The following CSMD3 variants were observed in gnomAD, a reference collection of about 807,000 sequenced individuals.
CSMD3 encodes CUB and sushi domain-containing protein 3.
In CSMD3, 177 loss-of-function variants were observed where a neutral mutation model predicts 435.2. The observed-to-expected ratio is 0.41, with a 90% CI of 0.36 to 0.46. The LOEUF (loss-of-function observed/expected upper bound fraction) is 0.46. Ranked by LOEUF, CSMD3 falls within the 20% of genes least tolerant of loss-of-function variation. The probability of loss-of-function intolerance (pLI) is 0.34; values close to 1 mark genes in which losing one functional copy is unlikely to be tolerated. For missense variants in CSMD3, 4,265 were observed against 4,504.6 expected, an observed-to-expected ratio of 0.95 and a Z score of 1.52; for synonymous variants, 1,656 against 1,520.5, an observed-to-expected ratio of 1.09 and a Z score of -2.07.
In CSMD3 at chr8:113,397,303, G is replaced by A. The variant is rs1418642650; in HGVS notation, c.178+39374C>T. On this transcript the variant is annotated intron_variant, in intron 1 of 70. Coordinates refer to ENST00000297405, the MANE Select transcript of CSMD3 (RefSeq NM_198123.2). ...TTTCATGTGTTATGTAAACATTTAC[G>A]TTTCTTCTTTATGGTCTCTTTAAAT... 4.6e-5 allele frequency among the ~76,000 whole-genome samples: 7 copies of A among 151,814 alleles called. No homozygotes were observed. The East Asian group carries it at 5.8e-4, about 13-fold the overall frequency.
chr8:113,113,777 C>T (rs776308555), intron 4 of CSMD3, among the ~76,000 whole-genome samples: 14 of 152,146 alleles, frequency 9.2e-5, no homozygotes, highest in Non-Finnish European at 1.8e-4. Context: ...TCTACAAATG[C>T]GAATCAATAA....
chr8:113,284,765 T>A (rs1461690495), intron 2 of CSMD3, among the ~76,000 whole-genome samples: 4 of 152,214 alleles, frequency 2.6e-5, no homozygotes, highest in Non-Finnish European at 5.9e-5. Context: ...TTGATATTTG[T>A]AAAATTTAGT....
intron 13 of CSMD3, among the ~76,000 whole-genome samples, chr8:112,722,306 G>C (rs62516521): frequency 1.3e-5 from 2 of 151,974 alleles, no homozygotes; most frequent in East Asian, 3.9e-4. Flanking sequence ...AAAAAAAAAG[G>C]CTATACCAGA....
chr8:112,488,110 A>G (rs186799620), intron 31 of CSMD3, among the ~76,000 whole-genome samples: 2 of 152,294 alleles, frequency 1.3e-5, no homozygotes, highest in East Asian at 3.9e-4. Context: ...ACAGGATGCA[A>G]TCATTTTGGA....
At chr8:112,855,512 A>C (rs1190593763) in intron 11 of CSMD3, among the ~76,000 whole-genome samples, 1 of 152,094 alleles carries the variant, frequency 6.6e-6, no homozygotes, top group Non-Finnish European at 1.5e-5. Context: ...TTTGTGTTTT[A>C]ATTAAAATTG....
At chr8:112,253,018 T>G (rs1815426945) in intron 63 of CSMD3, among the ~76,000 whole-genome samples, 1 of 151,876 alleles carries the variant, frequency 6.6e-6, no homozygotes, top group African/African-American at 2.4e-5. Context: ...AACTCCACGT[T>G]AATCATTCTC....
chr8:112,607,462 G>C (rs1381462622), intron 22 of CSMD3, among the ~76,000 whole-genome samples: 1 of 151,940 alleles, frequency 6.6e-6, no homozygotes, highest in African/African-American at 2.4e-5. Context: ...GAAGAGGAGA[G>C]AGCACATCCA....
chr8:112,773,806 T>G (rs1008472158), intron 13 of CSMD3, among the ~76,000 whole-genome samples: 2 of 152,018 alleles, frequency 1.3e-5, no homozygotes, highest in Non-Finnish European at 2.9e-5. Flanking sequence ...GGTGGGGTTA[T>G]AAATAGACGA....
At chr8:113,030,088 T>C (rs1366668659) in intron 5 of CSMD3, among the ~76,000 whole-genome samples, 1 of 151,280 alleles carries the variant, frequency 6.6e-6, no homozygotes, top group African/African-American at 2.4e-5. Flanking sequence ...GAAAGACCTC[T>C]GCAAGGAAAA....
chr8:112,409,969 T>C (rs1832189311), intron 32 of CSMD3, among the ~76,000 whole-genome samples: 1 of 152,032 alleles, frequency 6.6e-6, no homozygotes, highest in African/African-American at 2.4e-5. Flanking sequence ...AGGTCACTTT[T>C]ATAAATTTGA....
chr8:112,541,640 C>T (rs1826672550), intron 27 of CSMD3, among the ~76,000 whole-genome samples: 1 of 151,818 alleles, frequency 6.6e-6, no homozygotes, highest in Non-Finnish European at 1.5e-5. Context: ...AGCCCATGAC[C>T]AGATGACTTC....
intron 70 of CSMD3, among the ~76,000 whole-genome samples, chr8:112,226,919 T>C (rs772819056): frequency 8.5e-5 from 13 of 152,056 alleles, no homozygotes; most frequent in African/African-American, 1.4e-4. Context: ...ACCTGGAAAA[T>C]AACAAGTGTT....
intron 27 of CSMD3, among the ~76,000 whole-genome samples, chr8:112,548,769 G>T (rs1274937724): frequency 6.6e-6 from 1 of 152,006 alleles, no homozygotes; most frequent in East Asian, 1.9e-4. Flanking sequence ...TAGCCAAGAG[G>T]TTAATTTTTC....
At chr8:112,785,059 T>G (rs753169345) in intron 13 of CSMD3, among the ~76,000 whole-genome samples, 7 of 152,016 alleles carry the variant, frequency 4.6e-5, no homozygotes, top group Non-Finnish European at 1.0e-4. Context: ...AAGAGATCAT[T>G]CATTATGACC....
intron 35 of CSMD3, among the ~76,000 whole-genome samples, chr8:112,399,830 C>A (rs1328539327): frequency 1.3e-5 from 2 of 152,076 alleles, no homozygotes; most frequent in Admixed American, 6.6e-5. Context: ...TCAGAATTAC[C>A]TTTACTATCC....
intron 13 of CSMD3, among the ~76,000 whole-genome samples, chr8:112,780,678 C>A (rs115089219): frequency 2.6e-5 from 4 of 151,990 alleles, no homozygotes; most frequent in Non-Finnish European, 4.4e-5. Context: ...ACAACAATTG[C>A]GTGACTTTGC....
chr8:113,266,748 A>T (rs1381617859), intron 3 of CSMD3, among the ~76,000 whole-genome samples: 1 of 151,670 alleles, frequency 6.6e-6, no homozygotes, highest in African/African-American at 2.4e-5. Context: ...CATTTTTTCT[A>T]TAATGTTTTA....
intron 19 of CSMD3, 41 bp from the exon 20 acceptor site, chr8:112,645,266 A>T: frequency 9.2e-7 from 1 of 1,081,726 alleles, no homozygotes; most frequent in Non-Finnish European, 1.4e-6. Flanking sequence ...CAGCAGTGAG[A>T]GAGACAGAGG....
At chr8:113,217,411 T>C (rs1050943710) in intron 3 of CSMD3, among the ~76,000 whole-genome samples, 7 of 151,294 alleles carry the variant, frequency 4.6e-5, no homozygotes, top group Non-Finnish European at 1.0e-4. Flanking sequence ...AGTATTGGAA[T>C]TAATAGATAA....
Sources: allele counts gnomAD v4.1 joint callset (sites outside exome capture counted in the v4.1 genomes callset), GRCh38; gene constraint gnomAD v4.1.1; transcripts MANE v1.5; gene names NCBI Gene and HGNC (gene_info 2026-07-23, HGNC 2026-07-21).